The following TPO variants were observed in gnomAD, a reference collection of about 807,000 sequenced individuals.
TPO encodes thyroid microsomal antigen.
TPO carries 78 observed loss-of-function variants against 96.9 expected under a neutral mutation model. That is an observed-to-expected ratio of 0.81 (90% CI 0.67 to 0.97). TPO has a LOEUF of 0.97. TPO is among the 50% of genes least tolerant of loss of function. The pLI is 0.00. For missense variants in TPO, 1,252 were observed against 1,274.8 expected (o/e 0.98, Z 0.27); for synonymous variants, 547 against 538.0 (o/e 1.02, Z -0.23).
At chr2:1,469,138 T>C (rs1669151721) in intron 7 of TPO, among the ~76,000 whole-genome samples, 1 of 152,248 alleles carries the variant, frequency 6.6e-6, no homozygotes, top group Non-Finnish European at 1.5e-5. Flanking sequence ...TTTCCTTACA[T>C]TGGGCTTTGC....
At chr2:1,516,268 C>T (rs1353159738) in intron 14 of TPO, among the ~76,000 whole-genome samples, 1 of 152,196 alleles carries the variant, frequency 6.6e-6, no homozygotes, top group Non-Finnish European at 1.5e-5. Flanking sequence ...TCCCACCAAC[C>T]TTGTTCGGTT....
intron 5 of TPO, among the ~76,000 whole-genome samples, chr2:1,451,475 C>G (rs1231558331): frequency 4.6e-5 from 7 of 152,118 alleles, no homozygotes; most frequent in African/African-American, 1.7e-4. Flanking sequence ...GACTTCACTC[C>G]TTGTATTTTT....
At chr2:1,411,703 G>A (rs1220696206), upstream of TPO, among the ~76,000 whole-genome samples, 2 of 152,142 alleles carry the variant, frequency 1.3e-5, no homozygotes, top group Non-Finnish European at 2.9e-5. Context: ...CAGAGGCCCT[G>A]CTCCTGGCCT....
At chr2:1,511,819 G>C (rs1674163498) in intron 14 of TPO, among the ~76,000 whole-genome samples, 1 of 152,228 alleles carries the variant, frequency 6.6e-6, no homozygotes, top group African/African-American at 2.4e-5. Flanking sequence ...GGCCCAGGGT[G>C]TTGGGGATTC....
chr2:1,438,813 A>G (rs1440055691), intron 5 of TPO: 1 of 715,810 alleles, frequency 1.4e-6, no homozygotes. Flanking sequence ...GCCTGGATTA[A>G]AGAAAAATGA....
Position 1,505,411 on chromosome 2 carries a change from C to T in TPO, c.2518+1332C>T, listed in dbSNP as rs564305717. On this transcript the variant is annotated intron_variant, in intron 14 of 16. Coordinates refer to ENST00000329066, the MANE Select transcript of TPO (RefSeq NM_001206744.2). ...CCAGCCTGTGTCAGGCACACTGCCC[C>T]ATCCTGTGTCACGCACACCCTCCCA... Among the ~76,000 whole-genome samples the T allele has an allele frequency of 8.7e-4, 125 of 143,136 alleles. 1 individual carries two copies. The highest frequency in any genetic ancestry group is 3.2e-3 in the African/African-American group (121 of 38,066). 93.9% of individuals were successfully genotyped at this position (143,136 alleles called of 152,430 possible).
Position 1,542,706 on chromosome 2 carries a change from A to G in TPO, c.*232A>G. 1 of 1,257,450 alleles carries G rather than the reference A, an allele frequency of 8.0e-7. No homozygotes were observed. The highest frequency in any genetic ancestry group is 1.1e-6 in the Non-Finnish European group (1 of 910,098). The allele number at this position is 1,257,450 out of a possible 1,614,324, so 77.9% of individuals were successfully genotyped here. A position where few individuals can be genotyped will look rare whatever the true frequency, so the allele number is the denominator to read the frequency against. ...GATTTGTTCCTTCTGGGGCTTTGCCATTAAAATGTATTTACAGATTACACA... is the reference window on the plus strand; with the variant it reads ...GATTTGTTCCTTCTGGGGCTTTGCCGTTAAAATGTATTTACAGATTACACA... On this transcript the variant is annotated 3_prime_UTR_variant, in exon 17 of 17. Coordinates refer to ENST00000329066, the MANE Select transcript of TPO (RefSeq NM_001206744.2).
intron 7 of TPO, among the ~76,000 whole-genome samples, chr2:1,461,263 C>T (rs1668407081): frequency 6.6e-6 from 1 of 152,178 alleles, no homozygotes; most frequent in Non-Finnish European, 1.5e-5. Flanking sequence ...GAGGCTCCTT[C>T]CTCCACCCAC....
chr2:1,390,062 C>T lies in TPO; in HGVS notation n.180+15660C>T, dbSNP rs1277120738. Among the ~76,000 whole-genome samples, 7 of 151,006 alleles carry T rather than the reference C, an allele frequency of 4.6e-5. No individual in the cohort carries two copies. The East Asian group carries it at 1.2e-3, about 25-fold the overall frequency. On this transcript the variant is annotated intron_variant and non_coding_transcript_variant, in intron 1 of 5. Transcript: ENST00000497517. ...TACTTTAAGTTCTAGGGTACACATGCACAACGTGCAGGTTTGATACATGGG... is the reference window on the plus strand; with the variant it reads ...TACTTTAAGTTCTAGGGTACACATGTACAACGTGCAGGTTTGATACATGGG...
chr2:1,425,119 T>C (rs62105602), intron 3 of TPO, among the ~76,000 whole-genome samples: 75,110 of 150,040 alleles, frequency 0.5, 18,896 homozygotes, highest in Middle Eastern at 0.57. Context: ...GCTCCTTCTA[T>C]GCAGTCATTG....
chr2:1,480,165 A>G (rs1454059593), intron 8 of TPO, among the ~76,000 whole-genome samples: 1 of 151,976 alleles, frequency 6.6e-6, no homozygotes, highest in Non-Finnish European at 1.5e-5. Flanking sequence ...ACCTTCCTCA[A>G]TTCATTTTCT....
chr2:1,424,879 CT>C (rs1355190800), intron 3 of TPO, among the ~76,000 whole-genome samples: 917 of 94,524 alleles, frequency 9.7e-3, no homozygotes, highest in South Asian at 0.019. Context: ...GTCTATGCTC[CT>C]TCTGTAAAGT....
intron 6 of TPO, among the ~76,000 whole-genome samples, chr2:1,455,754 G>C (rs1001238611): frequency 2.0e-5 from 3 of 152,118 alleles, no homozygotes; most frequent in Admixed American, 6.5e-5. Context: ...TGGCTGTTTT[G>C]TCAATGACTC....
At chr2:1,430,696 C>A (rs1183653094) in intron 3 of TPO, among the ~76,000 whole-genome samples, 2 of 152,248 alleles carry the variant, frequency 1.3e-5, no homozygotes, top group African/African-American at 4.8e-5. Flanking sequence ...GCTATGGGAG[C>A]CCATTCCTCA....
At chr2:1,466,368 T>C (rs1371855520) in intron 7 of TPO, among the ~76,000 whole-genome samples, 1 of 152,208 alleles carries the variant, frequency 6.6e-6, no homozygotes, top group African/African-American at 2.4e-5. Context: ...GGTTATGTCC[T>C]CTTCTGGTTT....
intron 1 of TPO, among the ~76,000 whole-genome samples, chr2:1,399,642 G>T (rs1573060310): frequency 6.6e-6 from 1 of 152,226 alleles, no homozygotes; most frequent in East Asian, 1.9e-4. Flanking sequence ...CAAATCTGAA[G>T]ATCAGAGGCC....
At chr2:1,523,219 C>G (rs539161269) in intron 15 of TPO, among the ~76,000 whole-genome samples, 4 of 104,554 alleles carry the variant, frequency 3.8e-5, no homozygotes, top group African/African-American at 1.1e-4. Context: ...CAAATCCCCC[C>G]ACTTTGAGCA....
chr2:1,464,600 C>T (rs552931797), intron 7 of TPO, among the ~76,000 whole-genome samples: 1 of 152,130 alleles, frequency 6.6e-6, no homozygotes, highest in East Asian at 1.9e-4. Context: ...GCCATTCTTG[C>T]CAGAGTAAGG....
chr2:1,463,027 GTACTT>G, intron 7 of TPO, among the ~76,000 whole-genome samples: 1 of 152,128 alleles, frequency 6.6e-6, no homozygotes, highest in Admixed American at 6.6e-5. Flanking sequence ...TATTATCTTT[GTACTT>G]AGAGAAAAAT....
Sources: allele counts gnomAD v4.1 joint callset (sites outside exome capture counted in the v4.1 genomes callset), GRCh38; gene constraint gnomAD v4.1.1; transcripts MANE v1.5; gene names NCBI Gene and HGNC (gene_info 2026-07-23, HGNC 2026-07-21).